Variants in TLE5 observed in about 807,000 individuals in gnomAD.
TLE5 encodes TLE family member 5, transcriptional modulator.
In TLE5, 7 loss-of-function variants were observed where a neutral mutation model predicts 25.8. The ratio of observed to expected loss-of-function variants is 0.27; its 90% CI spans 0.15 to 0.51. The LOEUF is 0.51. TLE5 is among the 20% of genes least tolerant of loss of function. The pLI is 0.97. For missense variants in TLE5, 149 were observed against 250.7 expected, an observed-to-expected ratio of 0.59 and a Z score of 2.74; for synonymous variants, 132 against 110.5, an observed-to-expected ratio of 1.20 and a Z score of -1.22.
In TLE5 at chr19:3,056,600, G is replaced by C. The variant is rs557025863; in HGVS notation, c.190-244C>G. ...CGCTGGGGCTGCGGATGGAGACTGG[G>C]GGCACTTTAGGTCCCTAGCCCTGGC... On this transcript the variant is annotated intron_variant, in intron 3 of 6. Transcript: ENST00000327141. 6.3e-4 allele frequency: 416 copies of C among 665,124 alleles called. 2 individuals carry two copies. Among genetic ancestry groups the C allele is most frequent in the East Asian group, 3.0e-3 (100 of 33,768 alleles). 41.2% of individuals were successfully genotyped at this position (665,124 alleles called of 1,614,324 possible).
chr19:3,054,243 G>T, intron 5 of TLE5, 49 bp from the exon 6 acceptor site: 1 of 1,575,890 alleles, frequency 6.3e-7, no homozygotes, highest in Non-Finnish European at 8.6e-7. Context: ...TCCTGATCCT[G>T]GGAGAGGAGA....
chr19:3,054,086 T>TGGGGGGGGGGCCCCC, intron 6 of TLE5, 34 bp downstream of exon 6: 7 of 1,512,746 alleles, frequency 4.6e-6, no homozygotes, highest in East Asian at 2.4e-5. Context: ...GGCCCACCTG[T>TGGGGGGGGGGCCCCC]CCCCCGCCCA....
intron 2 of TLE5, among the ~76,000 whole-genome samples, chr19:3,059,478 C>T (rs1306722697): frequency 1.3e-5 from 2 of 152,114 alleles, no homozygotes; most frequent in African/African-American, 2.4e-5. Flanking sequence ...GCCGAGATCG[C>T]GCCACTGCAC....
At chr19:3,061,723 G>A (rs1431977331) in intron 1 of TLE5, among the ~76,000 whole-genome samples, 3 of 150,960 alleles carry the variant, frequency 2.0e-5, no homozygotes, top group African/African-American at 7.3e-5. Context: ...GATTCCCAGC[G>A]CCCTTCCTCG....
chr19:3,054,086 T>TGGGGGGGGGGGGCCC, intron 6 of TLE5, 34 bp downstream of exon 6: 2 of 1,512,746 alleles, frequency 1.3e-6, no homozygotes, highest in Non-Finnish European at 1.8e-6. Flanking sequence ...GGCCCACCTG[T>TGGGGGGGGGGGGCCC]CCCCCGCCCA....
At position 3,062,416 on chromosome 19, in the gene TLE5, C is replaced by CCCTCCCCGCCCCTCCCCGCCGCCCG; in HGVS notation, c.-241_-217dup. On this transcript the variant is annotated 5_prime_UTR_variant, in exon 1 of 7. Transcript: ENST00000327141. ...GCCCCGCTTCCTGCGCGCCCGGCGC[C>CCCTCCCCGCCCCTCCCCGCCGCCCG]CCTCCCCGCCCCTCCCCGCCGCCCG... 1.4e-6 allele frequency: 1 copy of CCCTCCCCGCCCCTCCCCGCCGCCCG among 738,764 alleles called. No homozygotes were observed. The highest frequency in any genetic ancestry group is 1.6e-6 in the Non-Finnish European group (1 of 607,994). 45.8% of individuals were successfully genotyped at this position (738,764 alleles called of 1,614,324 possible). A position where few individuals can be genotyped will look rare whatever the true frequency, so the allele number is the denominator to read the frequency against.
chr19:3,054,086 T>TGGGGGGGGGGGGGCCCCC, intron 6 of TLE5, 34 bp downstream of exon 6: 2 of 1,512,734 alleles, frequency 1.3e-6, no homozygotes, highest in Non-Finnish European at 1.8e-6. Context: ...GGCCCACCTG[T>TGGGGGGGGGGGGGCCCCC]CCCCCGCCCA....
chr19:3,057,779 G>A lies in TLE5; in HGVS notation c.126-37C>T. On this transcript the variant is annotated intron_variant, in intron 2 of 6. Coordinates refer to ENST00000327141, the MANE Select transcript of TLE5 (RefSeq NM_001130.6). ...CAGGGGGGAGATGGGGTGGTTAGTGGCGGCTGGGCGGGAGCCCCCCACCCT... is the reference window on the plus strand; with the variant it reads ...CAGGGGGGAGATGGGGTGGTTAGTGACGGCTGGGCGGGAGCCCCCCACCCT... The A allele has an allele frequency of 4.4e-6, 7 of 1,602,348 alleles. No homozygotes were observed. In the South Asian group the frequency reaches 4.4e-5, roughly 10 times the overall value.
At chr19:3,055,543 C>T (rs1377739710) in intron 5 of TLE5, 121 bp downstream of exon 5, 26 of 810,588 alleles carry the variant, frequency 3.2e-5, no homozygotes, top group Non-Finnish European at 3.5e-5. Context: ...CCAGGGAGGT[C>T]CAGAGAGGGG....
chr19:3,056,957 G>C (rs959615395), intron 3 of TLE5, among the ~76,000 whole-genome samples: 4 of 152,100 alleles, frequency 2.6e-5, no homozygotes, highest in African/African-American at 9.7e-5. Context: ...CAAGACCCCA[G>C]CTGTGTGCCC....
chr19:3,057,626 G>A (rs2090230895), intron 3 of TLE5, 53 bp downstream of exon 3: 1 of 1,559,530 alleles, frequency 6.4e-7, no homozygotes, highest in Non-Finnish European at 8.8e-7. Context: ...AGGGGATGTG[G>A]AGGGCCCTGT....
intron 2 of TLE5, among the ~76,000 whole-genome samples, chr19:3,057,950 G>C (rs1301887557): frequency 6.6e-6 from 1 of 152,038 alleles, no homozygotes; most frequent in Non-Finnish European, 1.5e-5. Context: ...AAACTCCTGG[G>C]CTCAAGCAAT....
intron 2 of TLE5, among the ~76,000 whole-genome samples, chr19:3,058,096 C>T (rs1651591056): frequency 7.4e-6 from 1 of 134,790 alleles, no homozygotes; most frequent in Admixed American, 7.5e-5. Context: ...AAGAGTTGAG[C>T]TCTCTGTGAT....
chr19:3,054,508 T>C, intron 5 of TLE5: 1 of 493,966 alleles, frequency 2.0e-6, no homozygotes, highest in Admixed American at 3.3e-5. Context: ...TGACCTATCC[T>C]ATGTGCACAG....
At chr19:3,060,668 A>G (rs1047162447) in intron 2 of TLE5, among the ~76,000 whole-genome samples, 1 of 152,110 alleles carries the variant, frequency 6.6e-6, no homozygotes, top group Non-Finnish European at 1.5e-5. Flanking sequence ...AGGACTAAAT[A>G]GTTCCTTCCC....
At position 3,053,831 on chromosome 19, in the gene TLE5, C is replaced by T. The variant is rs989215264; in HGVS notation, c.582G>A (p.Glu194=). ...TCCCGGCCCCCTGCTAATCCGACTT[C>T]TCGCCATCATCCTCCTGGTGGGTGT... ...DGDTHQEDDG[E]KSD The change falls in exon 7 of 7, where the codon GAG becomes GAA. Residue 194 remains glutamate (E), a synonymous_variant. Coordinates refer to ENST00000327141, the MANE Select transcript of TLE5 (RefSeq NM_001130.6). The T allele has an allele frequency of 1.9e-6, 3 of 1,613,158 alleles. No homozygotes were observed. Among genetic ancestry groups the T allele is most frequent in the Non-Finnish European group, 2.5e-6 (3 of 1,179,966 alleles).
intron 4 of TLE5, 104 bp downstream of exon 4, chr19:3,056,208 G>T: frequency 1.3e-6 from 1 of 790,780 alleles, no homozygotes; most frequent in Non-Finnish European, 2.0e-6. Flanking sequence ...GTGCCCAGCC[G>T]AGGGCCGGCC....
chr19:3,058,345 C>CCCAGAGAGGGTGAGGAACTGGCT (rs2090237949), intron 2 of TLE5, among the ~76,000 whole-genome samples: 1 of 152,126 alleles, frequency 6.6e-6, no homozygotes, highest in Non-Finnish European at 1.5e-5. Context: ...ACAGTGGACA[C>CCCAGAGAGGGTGAGGAACTGGCT]CCAGAGAGGG....
intron 2 of TLE5, among the ~76,000 whole-genome samples, chr19:3,060,320 T>C (rs898009375): frequency 3.6e-5 from 5 of 138,722 alleles, no homozygotes; most frequent in Non-Finnish European, 7.5e-5. Context: ...AAGTTTCTTT[T>C]TTTCTTTCTT....
Sources: gnomAD v4.1 joint callset for allele counts (sites outside exome capture counted in the v4.1 genomes callset) on GRCh38, gnomAD v4.1.1 for gene constraint, MANE v1.5 for transcripts, NCBI Gene and HGNC (gene_info 2026-07-23, HGNC 2026-07-21) for gene names.